SSH2: variants seen among roughly 807,000 people sequenced by gnomAD.
The protein encoded by SSH2 is slingshot protein phosphatase 2.
Under a neutral mutation model 135.2 loss-of-function variants are expected in SSH2, and 37 were observed. That is an observed-to-expected ratio of 0.27 (90% CI 0.21 to 0.36). The LOEUF (loss-of-function observed/expected upper bound fraction) is 0.36, where lower values mean the gene tolerates loss of function less well. SSH2 is among the 10% of genes least tolerant of loss of function. The pLI, the probability that SSH2 is intolerant of heterozygous loss-of-function variation, is 1.00. For missense variants in SSH2, 1,408 were observed against 1,765.3 expected, an observed-to-expected ratio of 0.80 and a Z score of 3.63; for synonymous variants, 628 against 646.2, an observed-to-expected ratio of 0.97 and a Z score of 0.43.
intron 3 of SSH2, among the ~76,000 whole-genome samples, chr17:29,707,850 T>C (rs1317913507): frequency 3.3e-5 from 5 of 152,188 alleles, no homozygotes; most frequent in South Asian, 2.1e-4. Context: ...AATACTATTA[T>C]AATAGGCGCG....
chr17:29,791,424 C>T (rs534432975), intron 3 of SSH2, among the ~76,000 whole-genome samples: 2 of 152,292 alleles, frequency 1.3e-5, no homozygotes, highest in East Asian at 3.9e-4. Flanking sequence ...TCTTTGTTAC[C>T]TGGAACTGGC....
chr17:29,648,394 A>T lies in SSH2; in HGVS notation c.1227-50T>A. 4.8e-6 allele frequency: 7 copies of T among 1,455,620 alleles called. No homozygotes were observed. In the East Asian group the frequency reaches 7.1e-5, roughly 15 times the overall value. 90.2% of individuals were successfully genotyped at this position (1,455,620 alleles called of 1,614,324 possible). On this transcript the variant is annotated intron_variant, in intron 13 of 15. Transcript: ENST00000540801. ...AATAGAGGAAAATACAATAGTGGGG[A>T]TATTTTAAAAGTTGGTTTCTAGATT...
At chr17:29,683,050 G>A (rs1438203462) in intron 6 of SSH2, among the ~76,000 whole-genome samples, 1 of 152,168 alleles carries the variant, frequency 6.6e-6, no homozygotes, top group Non-Finnish European at 1.5e-5. Flanking sequence ...TAGTGACAAA[G>A]TGATTTTTTC....
At chr17:29,830,600 C>T (rs1319784780) in intron 2 of SSH2, among the ~76,000 whole-genome samples, 2 of 152,200 alleles carry the variant, frequency 1.3e-5, no homozygotes, top group Non-Finnish European at 2.9e-5. Flanking sequence ...TTATCACATG[C>T]ACCACCATAT....
At chr17:29,691,491 C>T (rs2038470530) in intron 5 of SSH2, among the ~76,000 whole-genome samples, 1 of 63,104 alleles carries the variant, frequency 1.6e-5, no homozygotes, top group African/African-American at 5.0e-5. Flanking sequence ...GTCCTATTTT[C>T]TCTCTTTTTT....
chr17:29,856,205 T>C (rs1022639167), intron 1 of SSH2: 7 of 306,842 alleles, frequency 2.3e-5, no homozygotes, highest in Non-Finnish European at 3.1e-5. Flanking sequence ...GGAAATGACA[T>C]TGAGTTTGTT....
chr17:29,861,939 A>C (rs2065772496), intron 1 of SSH2, among the ~76,000 whole-genome samples: 1 of 152,052 alleles, frequency 6.6e-6, no homozygotes. Context: ...GAAGCAAAAA[A>C]TTAATTAAGT....
chr17:29,767,924 C>T (rs865823903), intron 3 of SSH2, among the ~76,000 whole-genome samples: 9 of 152,140 alleles, frequency 5.9e-5, no homozygotes, highest in Middle Eastern at 3.4e-3. Context: ...TTTGTGCATA[C>T]ATGTGAATAT....
intron 1 of SSH2, among the ~76,000 whole-genome samples, chr17:29,865,295 T>G (rs2065834634): frequency 6.6e-6 from 1 of 152,180 alleles, no homozygotes; most frequent in Non-Finnish European, 1.5e-5. Flanking sequence ...TGTGGAGAGA[T>G]AACATTTATT....
chr17:29,887,677 G>C (rs367904870), intron 1 of SSH2, among the ~76,000 whole-genome samples: 9 of 152,218 alleles, frequency 5.9e-5, no homozygotes, highest in Non-Finnish European at 1.3e-4. Flanking sequence ...AGCCAATGTT[G>C]GTTGTTCTTA....
intron 3 of SSH2, among the ~76,000 whole-genome samples, chr17:29,770,456 C>CT (rs1378777504): frequency 3.3e-5 from 5 of 150,706 alleles, no homozygotes; most frequent in South Asian, 2.1e-4. Flanking sequence ...GTCTCATTCT[C>CT]TTTTTTTATA....
At chr17:29,660,013 T>C (rs574639530) in intron 11 of SSH2, among the ~76,000 whole-genome samples, 11 of 146,986 alleles carry the variant, frequency 7.5e-5, no homozygotes, top group African/African-American at 2.8e-4. Context: ...GTATTTTTAG[T>C]AGAGATGGGT....
intron 3 of SSH2, among the ~76,000 whole-genome samples, chr17:29,764,462 C>G (rs1450886143): frequency 1.3e-5 from 2 of 152,206 alleles, no homozygotes; most frequent in South Asian, 2.1e-4. Flanking sequence ...CTCTAGGGAG[C>G]AAGCTCTCTG....
intron 3 of SSH2, among the ~76,000 whole-genome samples, chr17:29,713,929 A>G (rs1255553468): frequency 6.6e-6 from 1 of 152,128 alleles, no homozygotes; most frequent in African/African-American, 2.4e-5. Flanking sequence ...TTCCCAACAC[A>G]CAACTGACCC....
At chr17:29,898,873 A>T (rs2066493799) in intron 1 of SSH2, among the ~76,000 whole-genome samples, 1 of 152,228 alleles carries the variant, frequency 6.6e-6, no homozygotes, top group Non-Finnish European at 1.5e-5. Flanking sequence ...TGATGCAAAA[A>T]TCCTGAATAA....
At chr17:29,812,903 A>AAACG (rs1294671253) in intron 2 of SSH2, among the ~76,000 whole-genome samples, 1 of 151,932 alleles carries the variant, frequency 6.6e-6, no homozygotes, top group East Asian at 1.9e-4. Context: ...ACAAACAAAC[A>AAACG]AACAAACAAA....
At chr17:29,873,282 G>A (rs188533182) in intron 1 of SSH2, among the ~76,000 whole-genome samples, 3 of 152,160 alleles carry the variant, frequency 2.0e-5, no homozygotes, top group East Asian at 1.9e-4. Context: ...CAAAGAGGCC[G>A]GGCGCAGTGG....
chr17:29,676,569 G>T, intron 8 of SSH2: 1 of 424,824 alleles, frequency 2.4e-6, no homozygotes, highest in Non-Finnish European at 4.3e-6. Context: ...TATCTAAACC[G>T]TTAAGTCTCT....
chr17:29,922,923 G>GT (rs1050349315), intron 1 of SSH2, among the ~76,000 whole-genome samples: 26 of 152,138 alleles, frequency 1.7e-4, no homozygotes, highest in African/African-American at 5.6e-4. Context: ...AAAAAATTGG[G>GT]TTTTTTTGAC....
Sources: gnomAD v4.1 joint callset for allele counts (sites outside exome capture counted in the v4.1 genomes callset) on GRCh38, gnomAD v4.1.1 for gene constraint, MANE v1.5 for transcripts, NCBI Gene and HGNC (gene_info 2026-07-23, HGNC 2026-07-21) for gene names.